NDRG3: variants seen among roughly 807,000 people sequenced by gnomAD.
The protein encoded by NDRG3 is NDRG family member 3, also known as protein NDRG3.
A neutral mutation model predicts 57.2 loss-of-function variants in NDRG3; 23 were observed. That is an observed-to-expected ratio of 0.40 (90% CI 0.29 to 0.57). The LOEUF (loss-of-function observed/expected upper bound fraction) is 0.57. Among genes scored for constraint, NDRG3 ranks in the 20% least tolerant of loss-of-function variants. The pLI is 0.42. For synonymous variants in NDRG3, 132 were observed against 162.6 expected (o/e 0.81, Z 1.43); for missense variants, 384 against 457.3 (o/e 0.84, Z 1.46).
chr20:36,699,004 T>G (rs1018257169), intron 3 of NDRG3, among the ~76,000 whole-genome samples: 2 of 152,164 alleles, frequency 1.3e-5, no homozygotes, highest in Non-Finnish European at 2.9e-5. Flanking sequence ...TGCAGTGATG[T>G]GATCATAGCT....
chr20:36,660,655 G>C (rs1378644246), intron 12 of NDRG3, among the ~76,000 whole-genome samples: 1 of 151,600 alleles, frequency 6.6e-6, no homozygotes, highest in Non-Finnish European at 1.5e-5. Context: ...CCGCCTCCCG[G>C]GTTCACGCCA....
intron 12 of NDRG3, among the ~76,000 whole-genome samples, chr20:36,662,347 A>G (rs1164156766): frequency 6.6e-6 from 1 of 151,182 alleles, no homozygotes; most frequent in African/African-American, 2.4e-5. Context: ...CTCGCCAAGT[A>G]GCTGGGATTA....
At chr20:36,724,858 G>A (rs1310577331) in intron 1 of NDRG3, among the ~76,000 whole-genome samples, 1 of 152,148 alleles carries the variant, frequency 6.6e-6, no homozygotes, top group African/African-American at 2.4e-5. Context: ...GAACCCAGGA[G>A]GCGGAGGTTG....
intron 15 of NDRG3, among the ~76,000 whole-genome samples, chr20:36,654,475 G>C (rs576184046): frequency 2.0e-5 from 3 of 152,290 alleles, no homozygotes; most frequent in Non-Finnish European, 4.4e-5. Context: ...CTCCTATTTA[G>C]AGCCAAGGCT....
intron 1 of NDRG3, among the ~76,000 whole-genome samples, chr20:36,744,971 G>A (rs906971157): frequency 2.6e-5 from 4 of 151,428 alleles, no homozygotes; most frequent in East Asian, 1.9e-4. Context: ...AGGGTAAGGG[G>A]GGGGGGGGGC....
chr20:36,665,160 A>C, intron 11 of NDRG3, 63 bp from the exon 12 acceptor site: 1 of 1,608,924 alleles, frequency 6.2e-7, no homozygotes, highest in South Asian at 1.1e-5. Flanking sequence ...CTGAACACCA[A>C]ATTAGTCTAT....
intron 1 of NDRG3, among the ~76,000 whole-genome samples, chr20:36,735,714 A>G (rs1985569673): frequency 6.6e-6 from 1 of 151,924 alleles, no homozygotes; most frequent in Admixed American, 6.6e-5. Flanking sequence ...AAGACAATAC[A>G]CTCAGGCAGG....
intron 2 of NDRG3, among the ~76,000 whole-genome samples, chr20:36,713,976 G>A (rs1984069174): frequency 2.0e-5 from 3 of 152,108 alleles, no homozygotes. Context: ...CCTACAAAAA[G>A]TGGAAACAAA....
chr20:36,668,788 A>G (rs1979861230), intron 9 of NDRG3: 1 of 151,230 alleles, frequency 6.6e-6, no homozygotes, highest in South Asian at 2.1e-4. Flanking sequence ...ATATATATAC[A>G]TAGTTATATA....
chr20:36,688,768 G>T lies in NDRG3; in HGVS notation c.110C>A (p.Thr37Lys). Residue 37 changes from threonine (T) to lysine (K), a missense_variant, in exon 4 of 16, where the codon ACA becomes AAA. Physicochemically the swap from Thr to Lys is moderately conservative, Grantham distance 78 (BLOSUM62 -1). Coordinates refer to ENST00000349004, the MANE Select transcript of NDRG3 (RefSeq NM_032013.4). ...DFDCQEHDIE[T>K]THGVVHVTIR... The stretch of plus-strand genomic sequence containing the variant: ...AGTGACGTGGACCACACCATGAGTT[G>T]TTTCTATATCATGTTCCTGTAACAA... 6.2e-7 allele frequency: 1 copy of T among 1,612,826 alleles called. No homozygotes were observed. The highest frequency in any genetic ancestry group is 8.5e-7 in the Non-Finnish European group (1 of 1,178,844).
At chr20:36,705,546 G>A (rs1010653202) in intron 3 of NDRG3, among the ~76,000 whole-genome samples, 4 of 151,938 alleles carry the variant, frequency 2.6e-5, no homozygotes, top group Non-Finnish European at 4.4e-5. Context: ...TATTTGCTGG[G>A]GGGTATACAG....
intron 1 of NDRG3, among the ~76,000 whole-genome samples, chr20:36,743,693 C>T (rs1156638559): frequency 1.3e-5 from 2 of 149,734 alleles, no homozygotes; most frequent in African/African-American, 2.5e-5. Context: ...TGGCGAGCAC[C>T]TGTAGTCCCA....
intron 2 of NDRG3, among the ~76,000 whole-genome samples, chr20:36,714,127 A>T (rs959925672): frequency 1.3e-5 from 2 of 152,098 alleles, no homozygotes; most frequent in African/African-American, 4.8e-5. Flanking sequence ...GCGGTGGCTC[A>T]TGCCTGTAAT....
chr20:36,738,476 C>T (rs796564609), intron 1 of NDRG3, among the ~76,000 whole-genome samples: 3 of 151,638 alleles, frequency 2.0e-5, no homozygotes, highest in African/African-American at 7.3e-5. Flanking sequence ...TCACTCTAGA[C>T]CGGGCAAAAG....
At position 36,701,408 on chromosome 20, in the gene NDRG3, G is replaced by A. The variant is rs193238066; in HGVS notation, c.93+5564C>T. Among the ~76,000 whole-genome samples, 3 of 152,036 alleles carry A rather than the reference G, an allele frequency of 2.0e-5. 1 individual carries two copies. Among genetic ancestry groups the A allele is most frequent in the African/African-American group, 7.2e-5 (3 of 41,466 alleles). ...ATATATTTTCTAATTAGCCAGGCAC[G>A]GTGGCATGTGCCTGTAGTCCCAGCT... On this transcript the variant is annotated intron_variant, in intron 3 of 15. Transcript: ENST00000349004.
rs1157360453 is a variant in NDRG3 at position 36,687,501 on chromosome 20, A to G, written c.311T>C (p.Phe104Ser). ...APGQQEGAPS[F>S]PTGYQYPTMD... The stretch of plus-strand genomic sequence containing the variant: ...CTTTTCGTGGCCTTACCCTGTTGGG[A>G]AAGAGGGTGCACCTTCCTGCTGGCC... Residue 104 changes from phenylalanine to serine, a missense_variant, in exon 5 of 16, where the codon TTC (phenylalanine) becomes TCC (serine). By Grantham distance (155) the Phe-to-Ser change is radical. Coordinates refer to ENST00000349004, the MANE Select transcript of NDRG3 (RefSeq NM_032013.4). 6.2e-7 allele frequency: 1 copy of G among 1,613,340 alleles called. No individual in the cohort carries two copies. Among genetic ancestry groups the G allele is most frequent in the Non-Finnish European group, 8.5e-7 (1 of 1,179,910 alleles).
At chr20:36,685,115 C>T (rs1305650177) in intron 5 of NDRG3, among the ~76,000 whole-genome samples, 1 of 152,012 alleles carries the variant, frequency 6.6e-6, no homozygotes, top group African/African-American at 2.4e-5. Context: ...AGTCCAGGCT[C>T]AGTAAACCTC....
chr20:36,698,376 G>A (rs1982979466), intron 3 of NDRG3, among the ~76,000 whole-genome samples: 1 of 151,960 alleles, frequency 6.6e-6, no homozygotes, highest in Non-Finnish European at 1.5e-5. Context: ...GACTGCTCGA[G>A]CCCAGGAGTT....
chr20:36,669,779 G>A (rs1979984737), intron 9 of NDRG3, among the ~76,000 whole-genome samples: 1 of 152,010 alleles, frequency 6.6e-6, no homozygotes, highest in South Asian at 2.1e-4. Context: ...TGTATTTTTA[G>A]TAGAGACAGA....
Sources: allele counts gnomAD v4.1 joint callset (sites outside exome capture counted in the v4.1 genomes callset), GRCh38; gene constraint gnomAD v4.1.1; transcripts MANE v1.5; gene names NCBI Gene and HGNC (gene_info 2026-07-23, HGNC 2026-07-21).